Variants in RUNDC3B observed in about 807,000 individuals in gnomAD.
RUNDC3B encodes RUN domain-containing protein 3B.
RUNDC3B carries 33 observed loss-of-function variants against 58.4 expected under a neutral mutation model. The observed-to-expected ratio is 0.56, with a 90% confidence interval of 0.43 to 0.75. RUNDC3B has a LOEUF of 0.75. RUNDC3B is among the 30% of genes least tolerant of loss of function. The probability of loss-of-function intolerance (pLI) is 0.00; values close to 1 mark genes in which losing one functional copy is unlikely to be tolerated. For synonymous variants in RUNDC3B, 193 were observed against 195.2 expected, an observed-to-expected ratio of 0.99 and a Z score of 0.10; for missense variants, 501 against 535.7, an observed-to-expected ratio of 0.94 and a Z score of 0.64.
At chr7:87,665,643 T>A (rs1825151906) in intron 2 of RUNDC3B, among the ~76,000 whole-genome samples, 1 of 152,100 alleles carries the variant, frequency 6.6e-6, no homozygotes, top group Non-Finnish European at 1.5e-5. Flanking sequence ...ATTACCCAGG[T>A]AATGAGCATA....
intron 3 of RUNDC3B, chr7:87,709,494 G>A (rs1248934571): frequency 1.0e-6 from 1 of 985,202 alleles, no homozygotes; most frequent in Non-Finnish European, 1.2e-6. Context: ...AAGCTAAAAG[G>A]GATGTTGAGC....
chr7:87,699,971 T>C (rs1032115704), intron 2 of RUNDC3B, among the ~76,000 whole-genome samples: 1 of 152,182 alleles, frequency 6.6e-6, no homozygotes, highest in Non-Finnish European at 1.5e-5. Context: ...AGTATCCTTA[T>C]GAAGAGGAGA....
chr7:87,694,599 A>G (rs1828328457), intron 2 of RUNDC3B, among the ~76,000 whole-genome samples: 1 of 152,152 alleles, frequency 6.6e-6, no homozygotes, highest in Admixed American at 6.5e-5. Context: ...TATCTGTTTT[A>G]TGTTCTGTAC....
chr7:87,815,084 TC>T (rs1383197346), intron 9 of RUNDC3B, among the ~76,000 whole-genome samples: 3 of 151,720 alleles, frequency 2.0e-5, no homozygotes, highest in African/African-American at 7.3e-5. Context: ...GTAAATTCTT[TC>T]CCCCCCTTCC....
intron 8 of RUNDC3B, among the ~76,000 whole-genome samples, chr7:87,791,282 A>C (rs180998892): frequency 6.6e-6 from 1 of 152,278 alleles, no homozygotes; most frequent in East Asian, 1.9e-4. Context: ...CCAGACACAC[A>C]AAAGCTGAGG....
intron 6 of RUNDC3B, among the ~76,000 whole-genome samples, chr7:87,744,879 C>T (rs1832553984): frequency 6.6e-6 from 1 of 152,104 alleles, no homozygotes; most frequent in South Asian, 2.1e-4. Flanking sequence ...GAGTGGACAT[C>T]TTTGTCCTGT....
At chr7:87,821,883 A>C (rs1837465992) in intron 10 of RUNDC3B, among the ~76,000 whole-genome samples, 3 of 152,326 alleles carry the variant, frequency 2.0e-5, no homozygotes, top group Admixed American at 1.3e-4. Context: ...CTTATACAAA[A>C]ATTAATTCAA....
At chr7:87,807,941 T>C (rs1209534707) in intron 9 of RUNDC3B, among the ~76,000 whole-genome samples, 1 of 152,186 alleles carries the variant, frequency 6.6e-6, no homozygotes, top group Non-Finnish European at 1.5e-5. Flanking sequence ...CCGTAGAAGA[T>C]ATAATCACTT....
intron 4 of RUNDC3B, among the ~76,000 whole-genome samples, chr7:87,729,042 T>C (rs1831421107): frequency 6.6e-6 from 1 of 152,058 alleles, no homozygotes; most frequent in Non-Finnish European, 1.5e-5. Flanking sequence ...TTTTTCCTTT[T>C]TAAAAATCTG....
chr7:87,726,284 G>T (rs1247897760), intron 4 of RUNDC3B, among the ~76,000 whole-genome samples: 2 of 152,132 alleles, frequency 1.3e-5, no homozygotes, highest in Non-Finnish European at 2.9e-5. Context: ...TGTAAGGAAG[G>T]GATCCAGTTT....
At chr7:87,690,514 A>G (rs188481033) in intron 2 of RUNDC3B, among the ~76,000 whole-genome samples, 1 of 152,290 alleles carries the variant, frequency 6.6e-6, no homozygotes. Context: ...TTAAAGCAGT[A>G]TTTTTAAAGC....
chr7:87,788,802 C>T (rs1431456096), intron 8 of RUNDC3B, among the ~76,000 whole-genome samples: 1 of 149,106 alleles, frequency 6.7e-6, no homozygotes, highest in Non-Finnish European at 1.5e-5. Flanking sequence ...TATACATGTG[C>T]CTTTTCAAAA....
At chr7:87,647,651 G>C (rs754916041) in intron 1 of RUNDC3B, among the ~76,000 whole-genome samples, 1 of 152,074 alleles carries the variant, frequency 6.6e-6, no homozygotes, top group African/African-American at 2.4e-5. Flanking sequence ...CTACAATAAC[G>C]TGGTTTCAAT....
chr7:87,825,749 T>C (rs6948061), intron 10 of RUNDC3B, among the ~76,000 whole-genome samples: 14,856 of 152,212 alleles, frequency 0.098, 876 homozygotes, highest in African/African-American at 0.17. Context: ...ACCATGGGAA[T>C]CCATCCCTTG....
intron 8 of RUNDC3B, among the ~76,000 whole-genome samples, chr7:87,797,241 TTC>T (rs1269279015): frequency 1.3e-5 from 2 of 152,152 alleles, no homozygotes; most frequent in East Asian, 1.9e-4. Context: ...TTATTAAAAT[TTC>T]TGTTTCTCTT....
intron 4 of RUNDC3B, among the ~76,000 whole-genome samples, chr7:87,712,953 A>C (rs971929410): frequency 6.6e-6 from 1 of 152,124 alleles, no homozygotes; most frequent in Non-Finnish European, 1.5e-5. Context: ...AGTTATTTCA[A>C]AGTTTTTATC....
intron 3 of RUNDC3B, among the ~76,000 whole-genome samples, chr7:87,702,607 A>G (rs1293288252): frequency 1.3e-5 from 2 of 152,130 alleles, no homozygotes; most frequent in Non-Finnish European, 2.9e-5. Flanking sequence ...CTAATATTTA[A>G]GTTTCCAGTT....
chr7:87,639,074 C>A (rs1457128773), intron 1 of RUNDC3B, among the ~76,000 whole-genome samples: 8 of 151,664 alleles, frequency 5.3e-5, no homozygotes, highest in South Asian at 2.1e-4. Flanking sequence ...ATGGTGTAAA[C>A]CCCGGAGGCG....
chr7:87,730,821 G>T (rs1455665143), intron 4 of RUNDC3B, among the ~76,000 whole-genome samples: 9 of 152,128 alleles, frequency 5.9e-5, no homozygotes, highest in Middle Eastern at 3.4e-3. Context: ...GCTCACAGGG[G>T]TGCATGTGTC....
Sources: gnomAD v4.1 joint callset for allele counts (sites outside exome capture counted in the v4.1 genomes callset) on GRCh38, gnomAD v4.1.1 for gene constraint, MANE v1.5 for transcripts, NCBI Gene and HGNC (gene_info 2026-07-23, HGNC 2026-07-21) for gene names.